The following BRIP1 variants were observed in gnomAD, a reference collection of about 807,000 sequenced individuals.
BRIP1 encodes BRCA1 interacting DNA helicase 1.
Under a neutral mutation model 119.7 loss-of-function variants are expected in BRIP1, and 88 were observed. The ratio of observed to expected loss-of-function variants is 0.74; its 90% CI spans 0.62 to 0.88. The LOEUF (loss-of-function observed/expected upper bound fraction) is 0.88. Ranked by LOEUF, BRIP1 falls within the 40% of genes least tolerant of loss-of-function variation. BRIP1 has a pLI of 0.00. For synonymous variants in BRIP1, 443 were observed against 496.5 expected (o/e 0.89, Z 1.43); for missense variants, 1,259 against 1,455.4 (o/e 0.87, Z 2.20).
chr17:61,834,274 C>A lies in BRIP1; in HGVS notation c.627+12827G>T, dbSNP rs2078537610. 6.6e-6 allele frequency among the ~76,000 whole-genome samples: 1 copy of A among 151,916 alleles called. No homozygotes were observed. Among genetic ancestry groups the A allele is most frequent in the African/African-American group, 2.4e-5 (1 of 41,364 alleles). ...TATGTAATATATGTGTAATATATGT[C>A]ATATATACTACATAACAAATATATG... is the stretch of plus-strand genomic sequence containing the variant. On this transcript the variant is annotated intron_variant, in intron 6 of 19. Coordinates refer to ENST00000259008, the MANE Select transcript of BRIP1 (RefSeq NM_032043.3). This position sits in a 1 kb window ranked among gnomAD's most constrained non-coding sequence, Gnocchi z 4.4.
At position 61,846,652 on chromosome 17, in the gene BRIP1, G is replaced by T. The variant is rs2078737259; in HGVS notation, c.627+449C>A. Among the ~76,000 whole-genome samples, 1 of 152,080 alleles carries T rather than the reference G, an allele frequency of 6.6e-6. No individual in the cohort carries two copies. Among genetic ancestry groups the T allele is most frequent in the South Asian group, 2.1e-4 (1 of 4,824 alleles). On this transcript the variant is annotated intron_variant, in intron 6 of 19. Coordinates refer to ENST00000259008, the MANE Select transcript of BRIP1 (RefSeq NM_032043.3). The surrounding 1 kb of genome is among the most constrained non-coding windows in gnomAD (Gnocchi z 4.3). ...TCCACCCGCCTTGGCCTCCCAAAGTGCTGGGATTACAGGCGTGAGCCACCA... is the reference window on the plus strand; with the variant it reads ...TCCACCCGCCTTGGCCTCCCAAAGTTCTGGGATTACAGGCGTGAGCCACCA...
intron 11 of BRIP1, 52 bp from the exon 12 acceptor site, chr17:61,781,057 C>T (rs937461559): frequency 6.5e-7 from 1 of 1,549,326 alleles, no homozygotes. Flanking sequence ...AAACCTATGA[C>T]CCAGCTACAT....
chr17:61,719,679 C>T (rs555752700), intron 16 of BRIP1, among the ~76,000 whole-genome samples: 51 of 150,588 alleles, frequency 3.4e-4, no homozygotes, highest in African/African-American at 1.1e-3. Context: ...GAGCCAAGAT[C>T]GCACCACTGC....
intron 13 of BRIP1, among the ~76,000 whole-genome samples, chr17:61,779,563 T>G (rs1443726360): frequency 6.6e-6 from 1 of 152,186 alleles, no homozygotes; most frequent in Non-Finnish European, 1.5e-5. Flanking sequence ...AAGGCTGCAG[T>G]GAGCCAAGAT....
Position 61,770,161 on chromosome 17 carries a change from A to C in BRIP1, c.2097+6240T>G, listed in dbSNP as rs1436165614. On this transcript the variant is annotated intron_variant, in intron 14 of 19. Coordinates refer to ENST00000259008, the MANE Select transcript of BRIP1 (RefSeq NM_032043.3). The surrounding 1 kb of genome is among the most constrained non-coding windows in gnomAD (Gnocchi z 4.7). ...CCCTGCCATCTAATCTTATGATATG[A>C]ATGAAGAGCTCAGAAACACTTGTGA... Among the ~76,000 whole-genome samples, 1 of 152,234 alleles carries C rather than the reference A, an allele frequency of 6.6e-6. No homozygotes were observed. Among genetic ancestry groups the C allele is most frequent in the Non-Finnish European group, 1.5e-5 (1 of 68,036 alleles).
Position 61,799,214 on chromosome 17 carries a change from C to T in BRIP1, c.1226G>A (p.Ser409Asn), listed in dbSNP as rs587782247. ...AAACCGAAGCTGAACTTCTGTTACA[C>T]TGTAACTTGCTGATTCCCGAGCACA... ...EDCARESASY[S>N]VTEVQLRFAR... The change falls in exon 9 of 20, where the codon AGT (serine) becomes AAT (asparagine). Residue 409 changes from serine (S) to asparagine (N), a missense_variant. Ser to Asn is a conservative substitution (Grantham distance 46). Coordinates refer to ENST00000259008, the MANE Select transcript of BRIP1 (RefSeq NM_032043.3). The surrounding 1 kb of genome is among the most constrained non-coding windows in gnomAD (Gnocchi z 5.1). 1.9e-6 allele frequency: 3 copies of T among 1,613,576 alleles called. No individual in the cohort carries two copies. The highest frequency in any genetic ancestry group is 2.5e-6 in the Non-Finnish European group (3 of 1,179,620).
chr17:61,697,709 C>T (rs1370014474), intron 17 of BRIP1, among the ~76,000 whole-genome samples: 1 of 150,758 alleles, frequency 6.6e-6, no homozygotes, highest in Non-Finnish European at 1.5e-5. Flanking sequence ...AATTGCCTCG[C>T]TTTGGGTTTA....
Position 61,685,939 on chromosome 17 carries a change from A to C in BRIP1, c.2802T>G (p.Phe934Leu), listed in dbSNP as rs1259968679. 3 of 1,614,022 alleles carry C rather than the reference A, an allele frequency of 1.9e-6. No homozygotes were observed. The Admixed American group carries it at 5.0e-5, about 27-fold the overall frequency. The change falls in exon 19 of 20, where the codon TTT becomes TTG. Residue 934 changes from phenylalanine to leucine, a missense_variant. By Grantham distance (22) the Phe-to-Leu change is conservative. Coordinates refer to ENST00000259008, the MANE Select transcript of BRIP1 (RefSeq NM_032043.3). ...CACATATCTTTGCTTCATCTTCCAC[A>C]AAATTTTCTGGTGATAGATGACTTG... ...EAASHLSPENFVEDEAKICVQ... is the reference protein window; with the variant it reads ...EAASHLSPENLVEDEAKICVQ...
chr17:61,707,889 C>CA (rs2061716728), intron 17 of BRIP1, among the ~76,000 whole-genome samples: 1 of 151,586 alleles, frequency 6.6e-6, no homozygotes, highest in Non-Finnish European at 1.5e-5. Context: ...TTCTGTCGCC[C>CA]AGGCTGAAGT....
In BRIP1 at chr17:61,860,616, C is replaced by T. The variant is rs2078961123; in HGVS notation, c.94-709G>A. On this transcript the variant is annotated intron_variant, in intron 2 of 19. Coordinates refer to ENST00000259008, the MANE Select transcript of BRIP1 (RefSeq NM_032043.3). The surrounding 1 kb of genome is among the most constrained non-coding windows in gnomAD (Gnocchi z 4.1). ...CAGGGGTTGCAGTGAGCCAAGATCG[C>T]GCCACTGCACTCCAATCTGGGCGAC... 6.6e-6 allele frequency among the ~76,000 whole-genome samples: 1 copy of T among 151,976 alleles called. No individual in the cohort carries two copies. The highest frequency in any genetic ancestry group is 2.4e-5 in the African/African-American group (1 of 41,374).
Position 61,780,507 on chromosome 17 carries a change from C to G in BRIP1, c.1795-106G>C. 2 of 1,043,792 alleles carry G rather than the reference C, an allele frequency of 1.9e-6. No individual in the cohort carries two copies. Among genetic ancestry groups the G allele is most frequent in the East Asian group, 2.4e-5 (1 of 41,136 alleles). The allele number at this position is 1,043,792 out of a possible 1,614,324, so 64.7% of individuals were successfully genotyped here. A position where few individuals can be genotyped will look rare whatever the true frequency, so the allele number is the denominator to read the frequency against. On this transcript the variant is annotated intron_variant, in intron 12 of 19. Transcript: ENST00000259008. This position sits in a 1 kb window ranked among gnomAD's most constrained non-coding sequence, Gnocchi z 5.4. The stretch of plus-strand genomic sequence containing the variant: ...CTTTGGGAGGCTGAAGCAGGAAGAT[C>G]GCTTGAGTCTAGGAGTCTGAGACCA...
In BRIP1 at chr17:61,703,002, C is replaced by T. The variant is rs1002619304; in HGVS notation, c.2493-9490G>A. Among the ~76,000 whole-genome samples the T allele has an allele frequency of 3.7e-5, 5 of 136,352 alleles. No individual in the cohort carries two copies. Among genetic ancestry groups the T allele is most frequent in the East Asian group, 2.1e-4 (1 of 4,656 alleles). 89.5% of individuals were successfully genotyped at this position (136,352 alleles called of 152,430 possible). A position where few individuals can be genotyped will look rare whatever the true frequency, so the allele number is the denominator to read the frequency against. ...TTTTTTTTTTTTTTTGACTTTTTAA[C>T]GATAGCCATTCTGACTAGTGCGAGA... On this transcript the variant is annotated intron_variant, in intron 17 of 19. Transcript: ENST00000259008. The surrounding 1 kb of genome is among the most constrained non-coding windows in gnomAD (Gnocchi z 5.0).
At position 61,734,018 on chromosome 17, in the gene BRIP1, A is replaced by C. The variant is rs910511919; in HGVS notation, c.2379+8995T>G. ...TTCTTCAGAGAAGTAAAGGAACAAT[A>C]CCTACGAAGGAGAACTTTTCTATAT... On this transcript the variant is annotated intron_variant, in intron 16 of 19. Transcript: ENST00000259008. This position sits in a 1 kb window ranked among gnomAD's most constrained non-coding sequence, Gnocchi z 5.2. Among the ~76,000 whole-genome samples, 2 of 152,224 alleles carry C rather than the reference A, an allele frequency of 1.3e-5. 1 individual carries two copies. Among genetic ancestry groups the C allele is most frequent in the South Asian group, 4.1e-4 (2 of 4,836 alleles).
intron 16 of BRIP1, among the ~76,000 whole-genome samples, chr17:61,728,485 T>G (rs2076800287): frequency 6.6e-6 from 1 of 152,126 alleles, no homozygotes; most frequent in Non-Finnish European, 1.5e-5. Context: ...TGGACAAATG[T>G]TAAATGACTA....
At chr17:61,718,991 A>C (rs2061927723) in intron 16 of BRIP1, among the ~76,000 whole-genome samples, 1 of 152,190 alleles carries the variant, frequency 6.6e-6, no homozygotes, top group Non-Finnish European at 1.5e-5. Flanking sequence ...TGACAAGAAA[A>C]AAATCTGTAC....
chr17:61,859,950 T>G (rs754567295), intron 2 of BRIP1, 43 bp from the exon 3 acceptor site: 5 of 1,345,068 alleles, frequency 3.7e-6, no homozygotes, highest in Admixed American at 1.7e-5. Context: ...CATATTAACT[T>G]TATAAAGGTC....
chr17:61,750,581 G>A (rs909129639), intron 14 of BRIP1, among the ~76,000 whole-genome samples: 3 of 151,854 alleles, frequency 2.0e-5, no homozygotes, highest in Admixed American at 6.6e-5. Flanking sequence ...ATAGTACACA[G>A]AATGCAAAGC....
intron 6 of BRIP1, among the ~76,000 whole-genome samples, chr17:61,820,656 AAGTGTAAAAAGGGCCAGGCAC>A (rs2078306545): frequency 6.6e-6 from 1 of 152,152 alleles, no homozygotes; most frequent in Admixed American, 6.5e-5. Context: ...CTGGTTACAA[AAGTGTAAAAAGGGCCAGGCAC>A]AGTGGCTCAC....
intron 6 of BRIP1, among the ~76,000 whole-genome samples, chr17:61,826,821 G>A (rs959481015): frequency 2.0e-5 from 3 of 148,398 alleles, no homozygotes; most frequent in African/African-American, 7.4e-5. Flanking sequence ...TGGTAAGAAT[G>A]TAAATTAGTT....
Sources: allele counts gnomAD v4.1 joint callset (sites outside exome capture counted in the v4.1 genomes callset), GRCh38; gene constraint gnomAD v4.1.1; non-coding constraint Gnocchi (gnomAD v3.1); transcripts MANE v1.5; gene names NCBI Gene and HGNC (gene_info 2026-07-23, HGNC 2026-07-21).